Variants in SCRG1 observed in about 807,000 individuals in gnomAD.
SCRG1 encodes stimulator of chondrogenesis 1.
A neutral mutation model predicts 7.7 loss-of-function variants in SCRG1; 3 were observed. The ratio of observed to expected loss-of-function variants is 0.39; its 90% confidence interval spans 0.18 to 1.01. The LOEUF (loss-of-function observed/expected upper bound fraction) is 1.01. Ranked by LOEUF, SCRG1 falls within the 50% of genes least tolerant of loss-of-function variation. SCRG1 has a pLI of 0.36. For synonymous variants in SCRG1, 46 were observed against 41.2 expected, an observed-to-expected ratio of 1.12 and a Z score of -0.44; for missense variants, 110 against 117.2, an observed-to-expected ratio of 0.94 and a Z score of 0.28.
upstream of SCRG1, among the ~76,000 whole-genome samples, chr4:173,408,158 TATA>T (rs1739955941): frequency 6.6e-6 from 1 of 152,196 alleles, no homozygotes; most frequent in Non-Finnish European, 1.5e-5. Context: ...TTACATACAG[TATA>T]ATCCTGATGA....
chr4:173,408,126 A>T (rs1490428509), upstream of SCRG1, among the ~76,000 whole-genome samples: 2 of 152,212 alleles, frequency 1.3e-5, no homozygotes, highest in East Asian at 3.8e-4. Flanking sequence ...TGGATATTTA[A>T]TCTCTAAACA....
the SCRG1 span, among the ~76,000 whole-genome samples, chr4:173,438,953 C>T: frequency 5.9e-5 from 9 of 151,926 alleles, no homozygotes; most frequent in Admixed American, 1.3e-4. Context: ...TTCCAAGGAA[C>T]GGTTCCAATT....
chr4:173,413,762 A>G, the SCRG1 span, among the ~76,000 whole-genome samples: 18 of 152,236 alleles, frequency 1.2e-4, no homozygotes, highest in Admixed American at 1.2e-3. Flanking sequence ...GAGGCCAGGC[A>G]GTGAGAATTT....
At chr4:173,486,474 T>TTAA in the SCRG1 span, among the ~76,000 whole-genome samples, 2 of 152,120 alleles carry the variant, frequency 1.3e-5, no homozygotes, top group African/African-American at 2.4e-5. Context: ...TAACCTCCTT[T>TTAA]TAAACTTTCT....
intron 2 of SCRG1, among the ~76,000 whole-genome samples, chr4:173,389,155 T>G (rs1203349856): frequency 6.6e-6 from 1 of 152,228 alleles, no homozygotes; most frequent in African/African-American, 2.4e-5. Context: ...ATTAATTAAC[T>G]CAAGTTCTTG....
chr4:173,473,683 T>C, the SCRG1 span, among the ~76,000 whole-genome samples: 150,027 of 152,266 alleles, frequency 0.99, 73,959 homozygotes, highest in East Asian at 1. Context: ...AATATGCAGA[T>C]CTGGCTAGGG....
the SCRG1 span, among the ~76,000 whole-genome samples, chr4:173,452,091 G>A: frequency 6.6e-6 from 1 of 151,922 alleles, no homozygotes; most frequent in Non-Finnish European, 1.5e-5. Context: ...CCATCTTCAT[G>A]ACATGAGACA....
At chr4:173,408,777 AAGTCAGGAGATTG>A (rs1739973680), upstream of SCRG1, among the ~76,000 whole-genome samples, 1 of 152,032 alleles carries the variant, frequency 6.6e-6, no homozygotes, top group East Asian at 1.9e-4. Context: ...GCGGATCATG[AAGTCAGGAGATTG>A]AGACCATCCT....
chr4:173,439,587 A>T, the SCRG1 span, among the ~76,000 whole-genome samples: 1 of 151,402 alleles, frequency 6.6e-6, no homozygotes, highest in Admixed American at 6.6e-5. Context: ...AATATATAAA[A>T]ATATACATTA....
the SCRG1 span, among the ~76,000 whole-genome samples, chr4:173,460,360 C>A: frequency 1.3e-5 from 2 of 152,324 alleles, no homozygotes; most frequent in East Asian, 3.9e-4. Context: ...TGGCATCACC[C>A]CTCCTCTAGT....
At chr4:173,460,353 C>T in the SCRG1 span, among the ~76,000 whole-genome samples, 3 of 152,318 alleles carry the variant, frequency 2.0e-5, no homozygotes, top group South Asian at 4.1e-4. Context: ...GAAGTGCTGG[C>T]ATCACCCCTC....
chr4:173,479,882 AT>A, the SCRG1 span, among the ~76,000 whole-genome samples: 1 of 152,174 alleles, frequency 6.6e-6, no homozygotes, highest in Non-Finnish European at 1.5e-5. Flanking sequence ...CATTACCTTA[AT>A]TTGGGAATCA....
At chr4:173,435,433 G>A in the SCRG1 span, among the ~76,000 whole-genome samples, 3 of 152,126 alleles carry the variant, frequency 2.0e-5, no homozygotes, top group South Asian at 2.1e-4. Flanking sequence ...TCTGGTCACC[G>A]GGGCTCCGAG....
the SCRG1 span, among the ~76,000 whole-genome samples, chr4:173,425,798 T>C: frequency 6.6e-6 from 1 of 152,234 alleles, no homozygotes; most frequent in African/African-American, 2.4e-5. Flanking sequence ...CTCCCTCCCC[T>C]GCTCCCATAT....
chr4:173,391,542 G>A, intron 1 of SCRG1, 114 bp from the exon 2 acceptor site: 1 of 1,024,016 alleles, frequency 9.8e-7, no homozygotes, highest in Non-Finnish European at 1.4e-6. Flanking sequence ...AATGGGAGTT[G>A]GGCTTTTCTA....
chr4:173,514,531 CTTTAAG>C, the SCRG1 span, among the ~76,000 whole-genome samples: 1 of 152,114 alleles, frequency 6.6e-6, no homozygotes, highest in Non-Finnish European at 1.5e-5. Flanking sequence ...TACTCATGAA[CTTTAAG>C]TTTAAATAAA....
the SCRG1 span, among the ~76,000 whole-genome samples, chr4:173,488,119 A>G: frequency 6.6e-6 from 1 of 151,216 alleles, no homozygotes; most frequent in East Asian, 1.9e-4. Context: ...ATAAATAAAT[A>G]AATAAATAAA....
At chr4:173,403,844 C>A (rs1578969435), upstream of SCRG1, among the ~76,000 whole-genome samples, 1 of 152,166 alleles carries the variant, frequency 6.6e-6, no homozygotes, top group East Asian at 1.9e-4. Context: ...ACTTACCAAA[C>A]CTAGAAAGAT....
chr4:173,499,628 G>A, the SCRG1 span, among the ~76,000 whole-genome samples: 1 of 152,182 alleles, frequency 6.6e-6, no homozygotes, highest in African/African-American at 2.4e-5. The surrounding 1 kb of genome is among the most constrained non-coding windows in gnomAD (Gnocchi z 4.1). Context: ...GGGAATACAG[G>A]TAGTGTACCG....
Sources: gnomAD v4.1 joint callset for allele counts (sites outside exome capture counted in the v4.1 genomes callset) on GRCh38, gnomAD v4.1.1 for gene constraint, Gnocchi (gnomAD v3.1) non-coding constraint, MANE v1.5 for transcripts, NCBI Gene and HGNC (gene_info 2026-07-23, HGNC 2026-07-21) for gene names.